INPP4B: variants seen among roughly 807,000 people sequenced by gnomAD.
INPP4B encodes the protein inositol polyphosphate 4-phosphatase type II.
Under a neutral mutation model 122.5 loss-of-function variants are expected in INPP4B, and 55 were observed. That is an observed-to-expected ratio of 0.45 (90% CI 0.36 to 0.56). The LOEUF (loss-of-function observed/expected upper bound fraction) is 0.56, where lower values mean the gene tolerates loss of function less well. INPP4B is among the 20% of genes least tolerant of loss of function. The probability of loss-of-function intolerance (pLI) is 0.00; values close to 1 mark genes in which losing one functional copy is unlikely to be tolerated. For missense variants in INPP4B, 1,000 were observed against 1,097.7 expected (o/e 0.91, Z 1.26); for synonymous variants, 403 against 388.7 (o/e 1.04, Z -0.43).
intron 14 of INPP4B, among the ~76,000 whole-genome samples, chr4:142,201,264 T>A (rs1362586275): frequency 6.6e-6 from 1 of 152,062 alleles, no homozygotes; most frequent in Non-Finnish European, 1.5e-5. Flanking sequence ...ATGTTAGGTT[T>A]GTCACATGGT....
chr4:142,821,903 C>T (rs755643857), intron 1 of INPP4B, among the ~76,000 whole-genome samples: 134 of 152,176 alleles, frequency 8.8e-4, no homozygotes, highest in Non-Finnish European at 1.4e-3. Flanking sequence ...ATCTAATGAT[C>T]GGCTAAAGGA....
intron 9 of INPP4B, among the ~76,000 whole-genome samples, chr4:142,273,328 C>A (rs1449275522): frequency 6.6e-6 from 1 of 151,846 alleles, no homozygotes; most frequent in Middle Eastern, 3.2e-3. Context: ...TAATTTGATG[C>A]TCTCAAGAAA....
At chr4:142,741,687 G>T (rs377658217) in intron 1 of INPP4B, among the ~76,000 whole-genome samples, 48 of 151,960 alleles carry the variant, frequency 3.2e-4, no homozygotes, top group Admixed American at 1.2e-3. Context: ...TTCAGAGAGG[G>T]ACTTAATAAA....
At chr4:142,317,653 A>C (rs1292308089) in intron 7 of INPP4B, 1 of 152,984 alleles carries the variant, frequency 6.5e-6, no homozygotes, top group Non-Finnish European at 1.5e-5. Context: ...ATATTAAGAA[A>C]TAATTCTGAG....
At chr4:142,190,172 A>C (rs567738914) in intron 15 of INPP4B, among the ~76,000 whole-genome samples, 1 of 150,416 alleles carries the variant, frequency 6.6e-6, no homozygotes, top group East Asian at 2.0e-4. Context: ...AGACTTGGCT[A>C]TCTGGGTTTT....
At chr4:142,633,348 ATAAG>A (rs1322070757) in intron 2 of INPP4B, among the ~76,000 whole-genome samples, 1 of 152,150 alleles carries the variant, frequency 6.6e-6, no homozygotes, top group African/African-American at 2.4e-5. Context: ...AAATAAATAA[ATAAG>A]TAAATGCTGA....
At chr4:142,214,641 C>T (rs1403032787) in intron 12 of INPP4B, among the ~76,000 whole-genome samples, 1 of 152,200 alleles carries the variant, frequency 6.6e-6, no homozygotes, top group Non-Finnish European at 1.5e-5. Context: ...CAACCTCCAC[C>T]TCCCTGGTTC....
At chr4:142,041,597 A>AACAAGAGCAAAACTCCATCTCAAAT (rs1747582384) in intron 25 of INPP4B, among the ~76,000 whole-genome samples, 1 of 151,978 alleles carries the variant, frequency 6.6e-6, no homozygotes, top group African/African-American at 2.4e-5. Flanking sequence ...CAGCCTGGGC[A>AACAAGAGCAAAACTCCATCTCAAAT]ACAAGAGCAA....
At chr4:142,260,099 C>G (rs1250598244) in intron 11 of INPP4B, among the ~76,000 whole-genome samples, 1 of 152,122 alleles carries the variant, frequency 6.6e-6, no homozygotes, top group Non-Finnish European at 1.5e-5. Flanking sequence ...ATTCTCTTGC[C>G]TCAGCCTTCA....
chr4:142,798,690 G>A (rs1240177544), intron 1 of INPP4B, among the ~76,000 whole-genome samples: 1 of 151,802 alleles, frequency 6.6e-6, no homozygotes, highest in Non-Finnish European at 1.5e-5. Context: ...GGAATTGTGT[G>A]GGGGAGATTG....
chr4:142,600,331 C>T (rs530762560), intron 2 of INPP4B, among the ~76,000 whole-genome samples: 1 of 152,204 alleles, frequency 6.6e-6, no homozygotes, highest in African/African-American at 2.4e-5. Context: ...ATTCAAAAGG[C>T]TGATAAAAAC....
Position 142,029,119 on chromosome 4 carries a change from G to GACTT in INPP4B, c.2643-209_2643-206dup, listed in dbSNP as rs551858765. On this transcript the variant is annotated intron_variant, in intron 25 of 25. Coordinates refer to ENST00000262992, the MANE Select transcript of INPP4B (RefSeq NM_001101669.3). ...ACCATTATTGCCCTCTGAAAGAGAT[G>GACTT]ACTTAAGTCTCTTTACTCTTAACAT... The GACTT allele has an allele frequency of 4.0e-5, 52 of 1,284,926 alleles. 1 individual carries two copies. In the South Asian group the frequency reaches 1.0e-3, roughly 25 times the overall value. The allele number at this position is 1,284,926 out of a possible 1,614,324, so 79.6% of individuals were successfully genotyped here.
intron 9 of INPP4B, among the ~76,000 whole-genome samples, chr4:142,294,975 A>G (rs1019743754): frequency 1.3e-5 from 2 of 151,904 alleles, no homozygotes; most frequent in African/African-American, 4.8e-5. Flanking sequence ...GAGGACATAT[A>G]AAGTTTCAAG....
intron 1 of INPP4B, among the ~76,000 whole-genome samples, chr4:142,835,023 G>A (rs1443621813): frequency 6.6e-6 from 1 of 152,246 alleles, no homozygotes; most frequent in Non-Finnish European, 1.5e-5. Context: ...GTGGATGTTA[G>A]TAGTAGAATC....
intron 7 of INPP4B, among the ~76,000 whole-genome samples, chr4:142,327,093 C>A (rs1008499921): frequency 6.6e-6 from 1 of 152,066 alleles, no homozygotes; most frequent in African/African-American, 2.4e-5. Context: ...TAGAAACAGA[C>A]ACAATTTATC....
chr4:142,088,419 G>A (rs1054130802), intron 23 of INPP4B, among the ~76,000 whole-genome samples: 2 of 152,130 alleles, frequency 1.3e-5, no homozygotes, highest in African/African-American at 4.8e-5. Flanking sequence ...CAGGTATATC[G>A]GTGACATAGA....
chr4:142,276,694 G>A (rs984053537), intron 9 of INPP4B, among the ~76,000 whole-genome samples: 1 of 151,786 alleles, frequency 6.6e-6, no homozygotes, highest in Non-Finnish European at 1.5e-5. Context: ...TATATAGCCT[G>A]GGCCACAAAG....
intron 1 of INPP4B, among the ~76,000 whole-genome samples, chr4:142,733,805 A>G (rs1202075808): frequency 6.6e-6 from 1 of 152,206 alleles, no homozygotes; most frequent in Non-Finnish European, 1.5e-5. Flanking sequence ...TATTCTCAGT[A>G]GCACTATTCA....
chr4:142,359,397 T>A (rs1784686496), intron 7 of INPP4B, among the ~76,000 whole-genome samples: 1 of 151,928 alleles, frequency 6.6e-6, no homozygotes, highest in Non-Finnish European at 1.5e-5. Context: ...TCACAAAGAT[T>A]AAATAATTAT....
Sources: gnomAD v4.1 joint callset for allele counts (sites outside exome capture counted in the v4.1 genomes callset) on GRCh38, gnomAD v4.1.1 for gene constraint, MANE v1.5 for transcripts, NCBI Gene and HGNC (gene_info 2026-07-23, HGNC 2026-07-21) for gene names.